Variants in NCOR1 observed in about 807,000 individuals in gnomAD.
NCOR1 encodes the protein protein phosphatase 1, regulatory subunit 109.
NCOR1 carries 63 observed loss-of-function variants against 288.1 expected under a neutral mutation model. The observed-to-expected ratio is 0.22, with a 90% CI of 0.18 to 0.27. NCOR1 has a LOEUF of 0.27. Ranked by LOEUF, NCOR1 falls within the 10% of genes least tolerant of loss-of-function variation. NCOR1 has a pLI of 1.00. For synonymous variants in NCOR1, 1,007 were observed against 1,065.9 expected, an observed-to-expected ratio of 0.94 and a Z score of 1.08; for missense variants, 2,397 against 3,019.2, an observed-to-expected ratio of 0.79 and a Z score of 4.83.
chr17:16,171,432 C>T (rs2083125800), intron 4 of NCOR1, among the ~76,000 whole-genome samples: 1 of 152,150 alleles, frequency 6.6e-6, no homozygotes, highest in Non-Finnish European at 1.5e-5. Context: ...TAAACTGCTA[C>T]TAAATTTAAG....
chr17:16,200,222 T>C, intron 1 of NCOR1, among the ~76,000 whole-genome samples: 1 of 152,050 alleles, frequency 6.6e-6, no homozygotes, highest in South Asian at 2.1e-4. Flanking sequence ...GCACAGTGGC[T>C]CACACCTGTA....
chr17:16,048,595 T>C (rs1470882834), intron 41 of NCOR1, among the ~76,000 whole-genome samples: 1 of 152,004 alleles, frequency 6.6e-6, no homozygotes, highest in African/African-American at 2.4e-5. Flanking sequence ...AAAAAAAATC[T>C]AGAAAGATTT....
rs767600377 is a variant in NCOR1 at position 16,118,039 on chromosome 17, A to G, written c.1916-12T>C. The G allele has an allele frequency of 6.2e-7, 1 of 1,608,230 alleles. No homozygotes were observed. The highest frequency in any genetic ancestry group is 8.5e-7 in the Non-Finnish European group (1 of 1,178,052). ...ATGTTCTACTAGACCTGCATTTTAAAAACAGACCAAATGTTAATTGAACAG... is the reference window on the plus strand; with the variant it reads ...ATGTTCTACTAGACCTGCATTTTAAGAACAGACCAAATGTTAATTGAACAG... On this transcript the variant is annotated splice_polypyrimidine_tract_variant and intron_variant, in intron 17 of 45. Transcript: ENST00000268712.
chr17:16,205,552 C>T (rs1334411155), intron 1 of NCOR1, among the ~76,000 whole-genome samples: 2 of 150,726 alleles, frequency 1.3e-5, no homozygotes, highest in Non-Finnish European at 2.9e-5. Flanking sequence ...ACCTGGGAGG[C>T]GGAGGTTGCA....
intron 1 of NCOR1, among the ~76,000 whole-genome samples, chr17:16,208,537 A>AT (rs558566075): frequency 6.0e-5 from 9 of 150,280 alleles, no homozygotes; most frequent in African/African-American, 1.2e-4. Context: ...AATAAACAGA[A>AT]TTTTTTTTTT....
intron 16 of NCOR1, among the ~76,000 whole-genome samples, chr17:16,119,700 A>G (rs560465248): frequency 6.6e-6 from 1 of 152,188 alleles, no homozygotes; most frequent in African/African-American, 2.4e-5. Context: ...AGTGTTGTTA[A>G]AAGTTCTCTT....
intron 40 of NCOR1, 154 bp from the exon 41 acceptor site, chr17:16,049,142 A>C: frequency 1.7e-6 from 1 of 605,650 alleles, no homozygotes; most frequent in Non-Finnish European, 2.6e-6. Context: ...TTCACTATAT[A>C]CATAGTTAAA....
chr17:16,080,570 A>G, intron 24 of NCOR1, 37 bp downstream of exon 24: 1 of 1,614,112 alleles, frequency 6.2e-7, no homozygotes, highest in Non-Finnish European at 8.5e-7. Context: ...GTGATGCTAC[A>G]AACGTAGATG....
chr17:16,065,355 G>C, intron 33 of NCOR1, 130 bp downstream of exon 33: 13 of 1,073,422 alleles, frequency 1.2e-5, no homozygotes, highest in Non-Finnish European at 1.7e-5. Flanking sequence ...AAAAGTCTAC[G>C]GGAGGAAGGA....
chr17:16,182,029 A>G (rs2085591458), intron 3 of NCOR1, among the ~76,000 whole-genome samples: 1 of 152,200 alleles, frequency 6.6e-6, no homozygotes, highest in Non-Finnish European at 1.5e-5. Flanking sequence ...AAAAAAAATA[A>G]TTTTAGATAT....
chr17:16,174,041 C>G (rs1053949820), intron 3 of NCOR1, among the ~76,000 whole-genome samples: 14 of 152,016 alleles, frequency 9.2e-5, no homozygotes, highest in African/African-American at 3.1e-4. Context: ...AAACATTGCT[C>G]GAAGAAATAA....
At chr17:16,127,720 T>TATGTATATATGTGTGTGTGTATAC (rs2074947914) in intron 14 of NCOR1, among the ~76,000 whole-genome samples, 2 of 138,532 alleles carry the variant, frequency 1.4e-5, no homozygotes, top group Non-Finnish European at 3.2e-5. Flanking sequence ...TGTGTATATA[T>TATGTATATATGTGTGTGTGTATAC]ACATATATGT....
chr17:16,120,518 A>G (rs2072770304), intron 16 of NCOR1, among the ~76,000 whole-genome samples: 1 of 152,188 alleles, frequency 6.6e-6, no homozygotes. Context: ...GTGGTACTCT[A>G]TCATTAATCT....
chr17:16,094,910 C>A (rs931626671), intron 21 of NCOR1, among the ~76,000 whole-genome samples: 13 of 152,064 alleles, frequency 8.5e-5, no homozygotes, highest in South Asian at 2.1e-4. Context: ...GATCTCGGCT[C>A]GCTACAACCT....
Position 16,039,416 on chromosome 17 carries a change from TAA to T in NCOR1, c.6955+15_6955+16del. On this transcript the variant is annotated intron_variant, in intron 44 of 45. Coordinates refer to ENST00000268712, the MANE Select transcript of NCOR1 (RefSeq NM_006311.4). ...TTGGGGAAAAGCAGCAGAAAAGCAC[TAA>T]AATGAAAGCTGTACCTGAATGAGGT... 1 of 1,607,714 alleles carries T rather than the reference TAA, an allele frequency of 6.2e-7. No homozygotes were observed. Among genetic ancestry groups the T allele is most frequent in the Non-Finnish European group, 8.5e-7 (1 of 1,175,600 alleles).
intron 1 of NCOR1, among the ~76,000 whole-genome samples, chr17:16,207,262 A>G (rs78925032): frequency 6.6e-6 from 1 of 152,336 alleles, no homozygotes; most frequent in Admixed American, 6.5e-5. Flanking sequence ...AAAATTACAT[A>G]AATCTCTATG....
At chr17:16,039,057 C>T (rs187619373) in intron 44 of NCOR1, among the ~76,000 whole-genome samples, 31 of 152,342 alleles carry the variant, frequency 2.0e-4, no homozygotes, top group Admixed American at 9.1e-4. Context: ...GCGTGAACCA[C>T]CGCACCCGGC....
At chr17:16,160,692 C>T (rs188275947) in intron 5 of NCOR1, among the ~76,000 whole-genome samples, 93 of 152,018 alleles carry the variant, frequency 6.1e-4, no homozygotes, top group South Asian at 5.4e-3. Context: ...CTCAGGAGGC[C>T]GAGGCAGAAG....
intron 34 of NCOR1, 99 bp downstream of exon 34, chr17:16,064,771 C>T: frequency 4.1e-6 from 5 of 1,221,396 alleles, no homozygotes; most frequent in Non-Finnish European, 3.3e-6. Flanking sequence ...AACAAGAAAC[C>T]AAATGAGGAA....
Sources: gnomAD v4.1 joint callset for allele counts (sites outside exome capture counted in the v4.1 genomes callset) on GRCh38, gnomAD v4.1.1 for gene constraint, MANE v1.5 for transcripts, NCBI Gene and HGNC (gene_info 2026-07-23, HGNC 2026-07-21) for gene names.